Variants in FNIP2 observed in about 807,000 individuals in gnomAD.
FNIP2 encodes folliculin interacting protein 2.
Under a neutral mutation model 108.7 loss-of-function variants are expected in FNIP2, and 32 were observed. The ratio of observed to expected loss-of-function variants is 0.29; its 90% CI spans 0.22 to 0.40. The LOEUF is 0.40. Among genes scored for constraint, FNIP2 ranks in the 10% least tolerant of loss-of-function variants. The pLI, the probability that FNIP2 is intolerant of heterozygous loss-of-function variation, is 1.00. For missense variants in FNIP2, 1,202 were observed against 1,381.6 expected, an observed-to-expected ratio of 0.87 and a Z score of 2.06; for synonymous variants, 480 against 496.7, an observed-to-expected ratio of 0.97 and a Z score of 0.45.
At chr4:158,867,371 T>G (rs879542961) in intron 12 of FNIP2, among the ~76,000 whole-genome samples, 1 of 152,138 alleles carries the variant, frequency 6.6e-6, no homozygotes, top group African/African-American at 2.4e-5. Flanking sequence ...TTTTGTATTT[T>G]GGGTAGAGAC....
intron 14 of FNIP2, among the ~76,000 whole-genome samples, chr4:158,888,194 T>C (rs1452111135): frequency 2.0e-5 from 3 of 152,254 alleles, no homozygotes; most frequent in Non-Finnish European, 4.4e-5. Context: ...TACTAAGTGA[T>C]ATAGTTAGAT....
chr4:158,894,663 A>G (rs992872087), intron 15 of FNIP2, among the ~76,000 whole-genome samples: 2 of 152,064 alleles, frequency 1.3e-5, no homozygotes, highest in African/African-American at 4.8e-5. Context: ...AAAATTTTCT[A>G]TTTCACTCCA....
chr4:158,806,816 C>A (rs1290085341), intron 1 of FNIP2, among the ~76,000 whole-genome samples: 1 of 152,194 alleles, frequency 6.6e-6, no homozygotes, highest in East Asian at 1.9e-4. Context: ...GGCGTTTTCA[C>A]TTCATAGTCT....
intron 2 of FNIP2, among the ~76,000 whole-genome samples, chr4:158,827,479 C>T (rs933701776): frequency 6.6e-6 from 1 of 152,158 alleles, no homozygotes; most frequent in Non-Finnish European, 1.5e-5. Context: ...AAAAAGGCAT[C>T]TTAGGTTCAG....
intron 16 of FNIP2, among the ~76,000 whole-genome samples, chr4:158,900,016 A>G (rs1206615161): frequency 2.0e-5 from 3 of 152,198 alleles, no homozygotes; most frequent in Non-Finnish European, 4.4e-5. Context: ...ACACTGCTTT[A>G]AATGTGTCCT....
At chr4:158,822,809 T>G (rs926107532) in intron 1 of FNIP2, among the ~76,000 whole-genome samples, 1 of 152,236 alleles carries the variant, frequency 6.6e-6, no homozygotes, top group Non-Finnish European at 1.5e-5. Flanking sequence ...ACTCGTATCT[T>G]ATAAAATACT....
chr4:158,791,119 A>G (rs1578827579), intron 1 of FNIP2, among the ~76,000 whole-genome samples: 1 of 84,402 alleles, frequency 1.2e-5, no homozygotes, highest in South Asian at 3.4e-4. Flanking sequence ...GCAATAAACG[A>G]GAAGGTGGAA....
intron 1 of FNIP2, among the ~76,000 whole-genome samples, chr4:158,825,033 C>T (rs1173396236): frequency 6.6e-6 from 1 of 152,180 alleles, no homozygotes; most frequent in Non-Finnish European, 1.5e-5. Context: ...GCCTAACATT[C>T]CCCACTGAAT....
intron 1 of FNIP2, among the ~76,000 whole-genome samples, chr4:158,783,818 C>G (rs1776130226): frequency 6.6e-6 from 1 of 152,132 alleles, no homozygotes; most frequent in Admixed American, 6.5e-5. Context: ...AGTTCAGCTT[C>G]CTAGACTGAG....
chr4:158,858,289 G>GA (rs1278841670), intron 8 of FNIP2, among the ~76,000 whole-genome samples: 2 of 152,092 alleles, frequency 1.3e-5, no homozygotes, highest in African/African-American at 4.8e-5. Flanking sequence ...GTTTTTGTAG[G>GA]AAAAAACTAT....
In FNIP2 at chr4:158,870,252, A is replaced by G; in HGVS notation, c.2793-61A>G. On this transcript the variant is annotated intron_variant, in intron 13 of 16. Transcript: ENST00000264433. Reference sequence around the variant, plus strand: ...TATCATTGGAGTGCTTGTACCAATTATAATGAAAGAAAAAAGTACATTTTT... The same window carrying G: ...TATCATTGGAGTGCTTGTACCAATTGTAATGAAAGAAAAAAGTACATTTTT... 4 of 1,567,312 alleles carry G rather than the reference A, an allele frequency of 2.6e-6. No individual in the cohort carries two copies. In the Admixed American group the frequency reaches 6.9e-5, roughly 27 times the overall value.
chr4:158,828,977 C>T (rs1578876842), intron 2 of FNIP2, 102 bp from the exon 3 acceptor site: 1 of 961,098 alleles, frequency 1.0e-6, no homozygotes, highest in Non-Finnish European at 1.5e-6. Flanking sequence ...TTAATGCAAC[C>T]TAGGCACCAG....
At chr4:158,774,779 A>T (rs1775807424) in intron 1 of FNIP2, among the ~76,000 whole-genome samples, 1 of 152,150 alleles carries the variant, frequency 6.6e-6, no homozygotes, top group South Asian at 2.1e-4. Flanking sequence ...TTTATTTGAA[A>T]TATGTTTAGA....
intron 7 of FNIP2, among the ~76,000 whole-genome samples, chr4:158,839,137 T>G (rs1040614059): frequency 6.6e-6 from 1 of 152,206 alleles, no homozygotes; most frequent in Admixed American, 6.5e-5. Flanking sequence ...CTGTCCAGGC[T>G]GTGTACTTTG....
At chr4:158,806,381 C>T (rs1459246980) in intron 1 of FNIP2, 1 of 1,289,252 alleles carries the variant, frequency 7.8e-7, no homozygotes, top group Non-Finnish European at 1.0e-6. Flanking sequence ...AAAAAACACA[C>T]CGGAGTAGAC....
At chr4:158,853,902 T>G (rs1370905814) in intron 8 of FNIP2, among the ~76,000 whole-genome samples, 1 of 152,234 alleles carries the variant, frequency 6.6e-6, no homozygotes, top group Non-Finnish European at 1.5e-5. Flanking sequence ...ATGAGTTATA[T>G]ATAATTCAAA....
At chr4:158,893,247 A>G (rs770378418) in intron 15 of FNIP2, 12 of 154,470 alleles carry the variant, frequency 7.8e-5, no homozygotes, top group Non-Finnish European at 1.4e-4. Flanking sequence ...AAATACTTTA[A>G]AAGCCATATA....
intron 1 of FNIP2, among the ~76,000 whole-genome samples, chr4:158,822,426 C>T (rs1442378584): frequency 1.3e-5 from 2 of 152,038 alleles, no homozygotes; most frequent in Admixed American, 6.5e-5. Flanking sequence ...CAGCCGGCCT[C>T]GGTCTCCCAA....
At chr4:158,785,451 A>T (rs768820287) in intron 1 of FNIP2, among the ~76,000 whole-genome samples, 1 of 152,004 alleles carries the variant, frequency 6.6e-6, no homozygotes, top group Non-Finnish European at 1.5e-5. Context: ...ATTATTTCAG[A>T]ATTTAATAAA....
Sources: gnomAD v4.1 joint callset for allele counts (sites outside exome capture counted in the v4.1 genomes callset) on GRCh38, gnomAD v4.1.1 for gene constraint, MANE v1.5 for transcripts, NCBI Gene and HGNC (gene_info 2026-07-23, HGNC 2026-07-21) for gene names.